The following RALA variants were observed in gnomAD, a reference collection of about 807,000 sequenced individuals.
RALA encodes the protein ras-related protein Ral-A.
A neutral mutation model predicts 24.0 loss-of-function variants in RALA; 5 were observed. That is an observed-to-expected ratio of 0.21 (90% CI 0.11 to 0.44). The LOEUF (loss-of-function observed/expected upper bound fraction) is 0.44, where lower values mean the gene tolerates loss of function less well. Among genes scored for constraint, RALA ranks in the 20% least tolerant of loss-of-function variants. The pLI is 0.99. For synonymous variants in RALA, 77 were observed against 83.8 expected (o/e 0.92, Z 0.44); for missense variants, 95 against 241.2 (o/e 0.39, Z 4.01).
rs1792709567 is a variant in RALA at position 39,686,709 on chromosome 7, A to G, written c.42A>G (p.Leu14=). The change falls in exon 2 of 5, where the codon TTA becomes TTG. Residue 14 remains leucine (L), a synonymous_variant. Coordinates refer to ENST00000005257, the MANE Select transcript of RALA (RefSeq NM_005402.4). Reference sequence around the variant, plus strand: ...CCAAGGGTCAGAATTCTTTGGCTTTACACAAAGTCATCATGGTGGGCAGTG... The same window carrying G: ...CCAAGGGTCAGAATTCTTTGGCTTTGCACAAAGTCATCATGGTGGGCAGTG... ...NKPKGQNSLA[L]HKVIMVGSGG... is the part of the protein sequence containing the mutation. 1.2e-6 allele frequency: 2 copies of G among 1,614,066 alleles called. No homozygotes were observed. The highest frequency in any genetic ancestry group is 1.7e-6 in the Non-Finnish European group (2 of 1,180,030).
chr7:39,649,302 T>A (rs1791979458), intron 1 of RALA, among the ~76,000 whole-genome samples: 1 of 152,186 alleles, frequency 6.6e-6, no homozygotes, highest in Admixed American at 6.5e-5. Flanking sequence ...TCCAGAGATA[T>A]AAATTTGGAT....
At chr7:39,697,004 C>A in intron 4 of RALA, 145 bp downstream of exon 4, 1 of 784,354 alleles carries the variant, frequency 1.3e-6, no homozygotes. Context: ...TACTCAGATA[C>A]ATGTTAGGAA....
At chr7:39,669,017 G>A (rs1346064598) in intron 1 of RALA, among the ~76,000 whole-genome samples, 1 of 151,846 alleles carries the variant, frequency 6.6e-6, no homozygotes, top group Non-Finnish European at 1.5e-5. Flanking sequence ...AGGAGGCTGA[G>A]GCAGGAGAAT....
Position 39,678,398 on chromosome 7 carries a change from T to C in RALA, c.-37-8233T>C, listed in dbSNP as rs562602618. Among the ~76,000 whole-genome samples the C allele has an allele frequency of 6.6e-5, 10 of 152,232 alleles. No individual in the cohort carries two copies. In the East Asian group the frequency reaches 1.9e-3, roughly 29 times the overall value. ...TAGCACAGTGCCTTACGTAGTAAGG[T>C]AGGCCCTTGGTGTATTTTTGGAGAG... On this transcript the variant is annotated intron_variant, in intron 1 of 4. Coordinates refer to ENST00000005257, the MANE Select transcript of RALA (RefSeq NM_005402.4).
chr7:39,683,986 T>A (rs1379207151), intron 1 of RALA, among the ~76,000 whole-genome samples: 1 of 152,172 alleles, frequency 6.6e-6, no homozygotes, highest in Non-Finnish European at 1.5e-5. Context: ...TGCCAGCAAG[T>A]AATGATCATA....
chr7:39,665,548 AAC>A (rs1313676959), intron 1 of RALA, among the ~76,000 whole-genome samples: 1 of 152,094 alleles, frequency 6.6e-6, no homozygotes, highest in African/African-American at 2.4e-5. Flanking sequence ...TCGACTGTAT[AAC>A]ACACTATACA....
chr7:39,701,741 C>G (rs182193965), intron 4 of RALA, among the ~76,000 whole-genome samples: 1 of 152,256 alleles, frequency 6.6e-6, no homozygotes, highest in East Asian at 1.9e-4. Flanking sequence ...GTGGAAGTTT[C>G]AAAGATGCAG....
At chr7:39,686,585 TA>T in intron 1 of RALA, 45 bp from the exon 2 acceptor site, 1 of 1,094,670 alleles carries the variant, frequency 9.1e-7, no homozygotes, top group Non-Finnish European at 1.4e-6. Context: ...ACTGGAATTC[TA>T]AAGAAGAATG....
chr7:39,638,342 A>G (rs1313051430), intron 1 of RALA, among the ~76,000 whole-genome samples: 3 of 152,184 alleles, frequency 2.0e-5, no homozygotes, highest in African/African-American at 7.2e-5. Flanking sequence ...CCCTTTCCGG[A>G]TGGTAGAAAT....
intron 4 of RALA, chr7:39,700,315 T>C (rs1793002791): frequency 6.6e-6 from 1 of 152,206 alleles, no homozygotes; most frequent in South Asian, 2.1e-4. Flanking sequence ...AGCTGAAAGC[T>C]TCAAGTCTAG....
intron 1 of RALA, among the ~76,000 whole-genome samples, chr7:39,657,776 G>A (rs1351966343): frequency 6.7e-6 from 1 of 149,108 alleles, no homozygotes; most frequent in African/African-American, 2.5e-5. Flanking sequence ...GAAAAAAAAT[G>A]TTAATGAAAT....
At chr7:39,637,451 G>A (rs1248705713) in intron 1 of RALA, among the ~76,000 whole-genome samples, 1 of 152,158 alleles carries the variant, frequency 6.6e-6, no homozygotes, top group Admixed American at 6.6e-5. Context: ...AATTCATTAT[G>A]TTACTTTGAC....
intron 4 of RALA, among the ~76,000 whole-genome samples, chr7:39,697,782 G>C (rs907060075): frequency 2.0e-5 from 3 of 152,104 alleles, no homozygotes; most frequent in Admixed American, 1.3e-4. Context: ...TTTGAGATTT[G>C]TTCTGTTATT....
intron 1 of RALA, among the ~76,000 whole-genome samples, chr7:39,647,275 T>C (rs1791942624): frequency 6.6e-6 from 1 of 152,146 alleles, no homozygotes; most frequent in African/African-American, 2.4e-5. Flanking sequence ...ACTCCTGCGC[T>C]CAAGTGGTAC....
chr7:39,659,949 C>T (rs1792158263), intron 1 of RALA, among the ~76,000 whole-genome samples: 1 of 152,150 alleles, frequency 6.6e-6, no homozygotes, highest in South Asian at 2.1e-4. Context: ...AACATGCTCT[C>T]CAAGGGAGCT....
At position 39,626,634 on chromosome 7, in the gene RALA, GA is replaced by G. The variant is rs1791493077; in HGVS notation, c.-38+2814del. Among the ~76,000 whole-genome samples the G allele has an allele frequency of 3.3e-5, 5 of 152,302 alleles. No homozygotes were observed. In the South Asian group the frequency reaches 1.0e-3, roughly 32 times the overall value. ...ATCACCGTCCATGTGTGCCATGATG[GA>G]AAAATGGTTGGGCATTTTTCCCGTG... On this transcript the variant is annotated intron_variant, in intron 1 of 4. Coordinates refer to ENST00000005257, the MANE Select transcript of RALA (RefSeq NM_005402.4).
chr7:39,644,087 A>G (rs935260846), intron 1 of RALA, among the ~76,000 whole-genome samples: 2 of 152,224 alleles, frequency 1.3e-5, no homozygotes, highest in African/African-American at 4.8e-5. Context: ...TTCTGGACTC[A>G]AAATCTTTAC....
At chr7:39,686,833 C>A (rs79011063) in intron 2 of RALA, 52 bp downstream of exon 2, 1 of 1,357,072 alleles carries the variant, frequency 7.4e-7, no homozygotes, top group South Asian at 1.2e-5. Context: ...GAGAGTATTT[C>A]CCTAGCTTAG....
At chr7:39,630,655 ATT>A (rs995411718) in intron 1 of RALA, among the ~76,000 whole-genome samples, 3 of 152,178 alleles carry the variant, frequency 2.0e-5, no homozygotes, top group Non-Finnish European at 2.9e-5. Context: ...CATTTCTCAC[ATT>A]TAGTTCCATT....
Sources: gnomAD v4.1 joint callset for allele counts (sites outside exome capture counted in the v4.1 genomes callset) on GRCh38, gnomAD v4.1.1 for gene constraint, MANE v1.5 for transcripts, NCBI Gene and HGNC (gene_info 2026-07-23, HGNC 2026-07-21) for gene names.